AFF1: variants seen among roughly 807,000 people sequenced by gnomAD.
AFF1 encodes ALF transcription elongation factor 1.
In AFF1, 48 loss-of-function variants were observed where a neutral mutation model predicts 121.7. That is an observed-to-expected ratio of 0.39 (90% CI 0.31 to 0.50). The LOEUF is 0.50. Among genes scored for constraint, AFF1 ranks in the 20% least tolerant of loss-of-function variants. The pLI, the probability that AFF1 is intolerant of heterozygous loss-of-function variation, is 0.76. For synonymous variants in AFF1, 613 were observed against 563.0 expected (o/e 1.09, Z -1.26); for missense variants, 1,523 against 1,511.7 (o/e 1.01, Z -0.12).
chr4:87,136,449 A>C lies in AFF1; in HGVS notation c.*748A>C, dbSNP rs1303432449. 4.3e-6 allele frequency: 1 copy of C among 232,370 alleles called. No homozygotes were observed. Among genetic ancestry groups the C allele is most frequent in the East Asian group, 6.1e-5 (1 of 16,458 alleles). The allele number at this position is 232,370 out of a possible 1,614,324, so 14.4% of individuals were successfully genotyped here. ...GAGCGGTGAGGAGGAGCCACAGCAC[A>C]TGGGGTGCCACCTCGAGGTCTGCAC... On this transcript the variant is annotated 3_prime_UTR_variant, in exon 21 of 21. Transcript: ENST00000395146.
rs1234119921 is a variant in AFF1, at chr4:87,135,774, T to G, written c.*73T>G. ...GGAAGCCTCAAAAACAGTCCAGACA[T>G]TTGTTTCATCAGGACACCAAACTCT... is the stretch of plus-strand genomic sequence containing the variant. On this transcript the variant is annotated 3_prime_UTR_variant, in exon 21 of 21. Transcript: ENST00000395146. 5 of 1,476,452 alleles carry G rather than the reference T, an allele frequency of 3.4e-6. No homozygotes were observed. 91.5% of individuals were successfully genotyped at this position (1,476,452 alleles called of 1,614,324 possible). A position where few individuals can be genotyped will look rare whatever the true frequency, so the allele number is the denominator to read the frequency against.
chr4:86,961,244 C>T (rs760981376), intron 2 of AFF1, among the ~76,000 whole-genome samples: 5 of 152,034 alleles, frequency 3.3e-5, no homozygotes, highest in South Asian at 2.1e-4. Flanking sequence ...CTTTCAATCT[C>T]GTAACTCCCT....
At chr4:87,087,856 A>G (rs1011869664) in intron 5 of AFF1, among the ~76,000 whole-genome samples, 1 of 149,118 alleles carries the variant, frequency 6.7e-6, no homozygotes. Flanking sequence ...TACCTTCTCA[A>G]TTAATTATTA....
chr4:86,969,007 T>C lies in AFF1; in HGVS notation c.38+20436T>C, dbSNP rs142735234. Among the ~76,000 whole-genome samples the C allele has an allele frequency of 3.1e-3, 465 of 152,294 alleles. 3 individuals carry two copies. The highest frequency in any genetic ancestry group is 5.2e-3 in the Non-Finnish European group (355 of 68,024). On this transcript the variant is annotated intron_variant, in intron 2 of 20. Transcript: ENST00000395146. The stretch of plus-strand genomic sequence containing the variant: ...AAAAAGGAGAGAGAAGGGGCCATTT[T>C]GTAGGAGCAGAAGATTGTGTTCATT...
At chr4:87,102,161 A>G (rs558205672) in intron 8 of AFF1, among the ~76,000 whole-genome samples, 2 of 152,328 alleles carry the variant, frequency 1.3e-5, no homozygotes, top group Non-Finnish European at 2.9e-5. Flanking sequence ...GATTAAATCT[A>G]CATGTAAAGA....
intron 12 of AFF1, among the ~76,000 whole-genome samples, chr4:87,124,031 C>T (rs1381987252): frequency 6.6e-6 from 1 of 152,170 alleles, no homozygotes; most frequent in African/African-American, 2.4e-5. Flanking sequence ...CTCCTGAACC[C>T]AGAGCCATGG....
intron 2 of AFF1, among the ~76,000 whole-genome samples, chr4:86,998,380 T>TTCCTG (rs1725411775): frequency 6.6e-6 from 1 of 152,176 alleles, no homozygotes; most frequent in Non-Finnish European, 1.5e-5. Flanking sequence ...AACTAAGACT[T>TTCCTG]GATTATAGTT....
At chr4:87,067,462 C>T (rs1002951747) in intron 4 of AFF1, among the ~76,000 whole-genome samples, 3 of 152,160 alleles carry the variant, frequency 2.0e-5, no homozygotes, top group Admixed American at 6.5e-5. Context: ...CTGTATGTAT[C>T]CCTTGAGTGG....
At chr4:86,960,827 T>G (rs1375324134) in intron 2 of AFF1, among the ~76,000 whole-genome samples, 4 of 152,182 alleles carry the variant, frequency 2.6e-5, no homozygotes, top group Non-Finnish European at 5.9e-5. Flanking sequence ...CTACCAGATT[T>G]TAAACAACTG....
intron 2 of AFF1, 52 bp from the exon 3 acceptor site, chr4:87,046,114 T>C (rs1730658893): frequency 6.2e-7 from 1 of 1,605,036 alleles, no homozygotes; most frequent in Non-Finnish European, 8.5e-7. Flanking sequence ...CTGACAAAAC[T>C]TGGAGACTGA....
Position 87,125,104 on chromosome 4 carries a change from C to T in AFF1, c.2534C>T (p.Ser845Phe), listed in dbSNP as rs766803998. The change falls in exon 13 of 21, where the codon TCT becomes TTT. Residue 845 changes from serine (S) to phenylalanine (F), a missense_variant. Physicochemically the swap from Ser to Phe is radical, Grantham distance 155. Around this residue, in one of 5 missense-constraint regions of AFF1, gnomAD observed 905 missense variants for 842.5 expected, o/e 1.07. Coordinates refer to ENST00000395146, the MANE Select transcript of AFF1 (RefSeq NM_001166693.3). The part of the protein sequence containing the change: ...RLEKEIKSQS[S>F]SSSSSHKESS... ...GAGAAGGAAATCAAATCACAGTCATCTTCATCTTCATCCTCCCACAAAGAA... is the reference window on the plus strand; with the variant it reads ...GAGAAGGAAATCAAATCACAGTCATTTTCATCTTCATCCTCCCACAAAGAA... 1 of 1,609,668 alleles carries T rather than the reference C, an allele frequency of 6.2e-7. No homozygotes were observed. Among genetic ancestry groups the T allele is most frequent in the Non-Finnish European group, 8.5e-7 (1 of 1,177,288 alleles).
intron 2 of AFF1, among the ~76,000 whole-genome samples, chr4:87,005,365 C>G (rs1726024324): frequency 6.6e-6 from 1 of 152,226 alleles, no homozygotes; most frequent in Non-Finnish European, 1.5e-5. Context: ...TCACTCTGAT[C>G]TCATCAGGAA....
intron 2 of AFF1, among the ~76,000 whole-genome samples, chr4:87,017,419 T>C (rs1335687534): frequency 6.6e-6 from 1 of 152,182 alleles, no homozygotes; most frequent in East Asian, 1.9e-4. Context: ...TTATTGTATT[T>C]TGTAAATTGG....
chr4:87,114,095 A>C (rs1194134012), intron 11 of AFF1, among the ~76,000 whole-genome samples: 1 of 152,210 alleles, frequency 6.6e-6, no homozygotes, highest in Non-Finnish European at 1.5e-5. Flanking sequence ...TACCATTAGA[A>C]TATATTATAA....
intron 2 of AFF1, among the ~76,000 whole-genome samples, chr4:86,978,723 T>A (rs1021871935): frequency 5.3e-5 from 8 of 152,144 alleles, no homozygotes; most frequent in Non-Finnish European, 1.0e-4. Context: ...AAGACCTTCA[T>A]GAGCTCTTGC....
intron 2 of AFF1, among the ~76,000 whole-genome samples, chr4:86,995,320 T>C (rs1725051833): frequency 2.3e-5 from 2 of 86,308 alleles, no homozygotes; most frequent in African/African-American, 1.0e-4. Context: ...CTCCCCACGG[T>C]CTCCCTCTCC....
chr4:87,032,285 C>T (rs752314010), intron 2 of AFF1, among the ~76,000 whole-genome samples: 21 of 152,152 alleles, frequency 1.4e-4, no homozygotes, highest in African/African-American at 4.8e-4. Flanking sequence ...CTTTCTTCTC[C>T]TATAATAATC....
chr4:86,941,003 G>A (rs1244305226), intron 1 of AFF1, among the ~76,000 whole-genome samples: 4 of 151,958 alleles, frequency 2.6e-5, no homozygotes, highest in Non-Finnish European at 4.4e-5. Flanking sequence ...GAGGAGAATC[G>A]CTTGAACCCT....
intron 3 of AFF1, 135 bp from the exon 4 acceptor site, chr4:87,046,558 GTT>G: frequency 4.9e-6 from 5 of 1,029,534 alleles, no homozygotes; most frequent in Non-Finnish European, 4.2e-6. Context: ...GGGGAATTGA[GTT>G]AAAATGGCAC....
Sources: gnomAD v4.1 joint callset for allele counts (sites outside exome capture counted in the v4.1 genomes callset) on GRCh38, gnomAD v4.1.1 for gene constraint, gnomAD v4.1.1 regional missense constraint, MANE v1.5 for transcripts, NCBI Gene and HGNC (gene_info 2026-07-23, HGNC 2026-07-21) for gene names.